CC2D2A: variants seen among roughly 807,000 people sequenced by gnomAD.
CC2D2A encodes the protein coiled-coil and C2 domain containing 2A.
In CC2D2A, 155 loss-of-function variants were observed where a neutral mutation model predicts 212.9. The observed-to-expected ratio is 0.73, with a 90% CI of 0.64 to 0.83. CC2D2A has a LOEUF of 0.83. Among genes scored for constraint, CC2D2A ranks in the 40% least tolerant of loss-of-function variants. The pLI, the probability that CC2D2A is intolerant of heterozygous loss-of-function variation, is 0.00. For missense variants in CC2D2A, 1,856 were observed against 1,956.2 expected (o/e 0.95, Z 0.97); for synonymous variants, 667 against 686.5 (o/e 0.97, Z 0.44).
chr4:15,494,251 A>T (rs1046205702), intron 4 of CC2D2A, among the ~76,000 whole-genome samples: 2 of 152,232 alleles, frequency 1.3e-5, no homozygotes, highest in African/African-American at 4.8e-5. Flanking sequence ...CTGCTGAAGT[A>T]TAAAGAAGAG....
In CC2D2A at chr4:15,480,628, G is replaced by T. The variant is rs1433404628; in HGVS notation, c.124-76G>T. The T allele has an allele frequency of 3.3e-6, 5 of 1,501,730 alleles. No homozygotes were observed. The East Asian group carries it at 1.2e-4, about 37-fold the overall frequency. 93.0% of individuals were successfully genotyped at this position (1,501,730 alleles called of 1,614,324 possible). A position where few individuals can be genotyped will look rare whatever the true frequency, so the allele number is the denominator to read the frequency against. Reference sequence around the variant, plus strand: ...TACTAAGGCCTGTCCCCTCACTGGTGACCCATCTTCCCAAGAGAGGAACAG... The same window carrying T: ...TACTAAGGCCTGTCCCCTCACTGGTTACCCATCTTCCCAAGAGAGGAACAG... On this transcript the variant is annotated intron_variant, in intron 3 of 36. Coordinates refer to ENST00000424120, the MANE Select transcript of CC2D2A (RefSeq NM_001378615.1).
In CC2D2A at chr4:15,563,526, A is replaced by G. The variant is rs1299780942; in HGVS notation, c.3182+4A>G. ...CAGTGAGGAAGCCGGCAGTGAGGTG[A>G]GAGCCCTCCCAACAGCCCGAGATGC... On this transcript the variant is annotated splice_donor_region_variant and intron_variant, in intron 24 of 36. Transcript: ENST00000424120. 1 of 1,610,850 alleles carries G rather than the reference A, an allele frequency of 6.2e-7. No individual in the cohort carries two copies. Among genetic ancestry groups the G allele is most frequent in the East Asian group, 2.2e-5 (1 of 44,720 alleles).
intron 11 of CC2D2A, among the ~76,000 whole-genome samples, chr4:15,517,591 C>T (rs992428750): frequency 2.0e-5 from 3 of 152,184 alleles, no homozygotes; most frequent in Non-Finnish European, 4.4e-5. Flanking sequence ...GCAGTGTCTG[C>T]CTCCCAGGCT....
intron 1 of CC2D2A, among the ~76,000 whole-genome samples, chr4:15,473,564 A>G (rs1338321812): frequency 2.0e-5 from 3 of 152,200 alleles, no homozygotes. Context: ...TCTGTTGACA[A>G]AGGGAAATCA....
At chr4:15,474,741 A>T (rs1714062705) in intron 1 of CC2D2A, among the ~76,000 whole-genome samples, 1 of 152,214 alleles carries the variant, frequency 6.6e-6, no homozygotes, top group South Asian at 2.1e-4. Flanking sequence ...ACAAAAATTA[A>T]AAACTTAGAA....
At chr4:15,511,173 G>C in intron 7 of CC2D2A, 74 bp from the exon 8 acceptor site, 1 of 1,459,728 alleles carries the variant, frequency 6.9e-7, no homozygotes, top group Non-Finnish European at 9.1e-7. Context: ...CATTAAGCCA[G>C]CTGTCAGTTA....
chr4:15,506,685 C>T (rs1368102980), intron 6 of CC2D2A, among the ~76,000 whole-genome samples: 2 of 152,172 alleles, frequency 1.3e-5, no homozygotes, highest in African/African-American at 2.4e-5. Context: ...ATGAGAAAGT[C>T]TTAGCCCTAT....
intron 17 of CC2D2A, among the ~76,000 whole-genome samples, chr4:15,549,453 A>C (rs1718880942): frequency 6.6e-6 from 1 of 152,138 alleles, no homozygotes; most frequent in African/African-American, 2.4e-5. Context: ...GCCATCTTGC[A>C]AAGGTGAGTG....
At chr4:15,504,462 C>T (rs1233641955) in intron 6 of CC2D2A, among the ~76,000 whole-genome samples, 1 of 152,148 alleles carries the variant, frequency 6.6e-6, no homozygotes. Context: ...TGAGGCTAAG[C>T]ATCTGGTCAT....
chr4:15,487,791 A>T (rs200644216), intron 4 of CC2D2A, among the ~76,000 whole-genome samples: 110 of 26,642 alleles, frequency 4.1e-3, no homozygotes, highest in African/African-American at 6.3e-3. Context: ...ATGTTAAAAA[A>T]ATTTTTTTTT....
intron 17 of CC2D2A, among the ~76,000 whole-genome samples, chr4:15,543,129 G>C (rs1270039548): frequency 2.0e-5 from 3 of 152,098 alleles, no homozygotes; most frequent in Non-Finnish European, 2.9e-5. Flanking sequence ...GTGAGGGCAG[G>C]GGTGGTCCTC....
At chr4:15,508,483 CA>C (rs1716383055) in intron 6 of CC2D2A, among the ~76,000 whole-genome samples, 2 of 152,114 alleles carry the variant, frequency 1.3e-5, no homozygotes, top group Non-Finnish European at 2.9e-5. Flanking sequence ...ACCATTAATG[CA>C]CCTGACTGGT....
chr4:15,485,744 A>G (rs1364549730), intron 4 of CC2D2A, among the ~76,000 whole-genome samples: 3 of 152,090 alleles, frequency 2.0e-5, no homozygotes, highest in Non-Finnish European at 4.4e-5. Flanking sequence ...TTTTGCGTAT[A>G]CCTGTTGGCC....
At chr4:15,556,277 G>C (rs891702434) in intron 20 of CC2D2A, among the ~76,000 whole-genome samples, 12 of 152,180 alleles carry the variant, frequency 7.9e-5, no homozygotes, top group Non-Finnish European at 4.4e-5. Flanking sequence ...TTTATCAATA[G>C]GATAATTGTA....
chr4:15,582,627 C>A (rs1229976288), intron 30 of CC2D2A, among the ~76,000 whole-genome samples: 2 of 152,080 alleles, frequency 1.3e-5, no homozygotes, highest in Non-Finnish European at 2.9e-5. Context: ...ACATATACAA[C>A]TTACCAAGAC....
In CC2D2A at chr4:15,553,306, G is replaced by A. The variant is rs386833747; in HGVS notation, c.2486+1G>A. The A allele has an allele frequency of 1.4e-5, 22 of 1,611,668 alleles. No individual in the cohort carries two copies. The highest frequency in any genetic ancestry group is 1.6e-5 in the Non-Finnish European group (19 of 1,179,032). On this transcript the variant is annotated splice_donor_variant, in intron 19 of 36. Coordinates refer to ENST00000424120, the MANE Select transcript of CC2D2A (RefSeq NM_001378615.1). LOFTEE classifies it high-confidence loss of function. The stretch of plus-strand genomic sequence containing the variant: ...CACAGCAGAACATCGGATTTCGGAG[G>A]TAATACATGGCAAGAGTAAATTGAT...
intron 35 of CC2D2A, 146 bp downstream of exon 35, chr4:15,597,611 T>C: frequency 1.4e-6 from 1 of 710,184 alleles, no homozygotes; most frequent in Non-Finnish European, 2.4e-6. Context: ...ACAGATGTGA[T>C]CTCTAAATCC....
intron 13 of CC2D2A, among the ~76,000 whole-genome samples, chr4:15,531,204 A>C (rs991301977): frequency 1.3e-5 from 2 of 152,144 alleles, no homozygotes; most frequent in African/African-American, 4.8e-5. Flanking sequence ...TTTCCTCTGA[A>C]GCAAATCTTG....
At chr4:15,480,631 C>G in intron 3 of CC2D2A, 73 bp from the exon 4 acceptor site, 3 of 1,508,890 alleles carry the variant, frequency 2.0e-6, no homozygotes, top group Non-Finnish European at 2.7e-6. Flanking sequence ...CACTGGTGAC[C>G]CATCTTCCCA....
Sources: allele counts gnomAD v4.1 joint callset (sites outside exome capture counted in the v4.1 genomes callset), GRCh38; gene constraint gnomAD v4.1.1; transcripts MANE v1.5; gene names NCBI Gene and HGNC (gene_info 2026-07-23, HGNC 2026-07-21).